Variants in MMP16 observed in about 807,000 individuals in gnomAD.
The protein encoded by MMP16 is matrix metallopeptidase 16.
In MMP16, 12 loss-of-function variants were observed where a neutral mutation model predicts 67.8. That is an observed-to-expected ratio of 0.18 (90% CI 0.11 to 0.29). The LOEUF (loss-of-function observed/expected upper bound fraction) is 0.29. MMP16 is among the 10% of genes least tolerant of loss of function. MMP16 has a pLI of 1.00. For synonymous variants in MMP16, 249 were observed against 255.9 expected (o/e 0.97, Z 0.26); for missense variants, 475 against 765.7 (o/e 0.62, Z 4.48).
In MMP16 at chr8:88,058,745, A is replaced by G. The variant is rs1452481700; in HGVS notation, c.1223-2467T>C. 6.6e-6 allele frequency among the ~76,000 whole-genome samples: 1 copy of G among 152,124 alleles called. No homozygotes were observed. The highest frequency in any genetic ancestry group is 2.4e-5 in the African/African-American group (1 of 41,466). ...TTGTGCAGCTAGAATAGAGTGTGAT[A>G]GGAGTGTATAATGATAGAGGTGAGG... is the stretch of plus-strand genomic sequence containing the variant. On this transcript the variant is annotated intron_variant, in intron 7 of 9. Coordinates refer to ENST00000286614, the MANE Select transcript of MMP16 (RefSeq NM_005941.5). The surrounding 1 kb of genome is among the most constrained non-coding windows in gnomAD (Gnocchi z 4.2).
chr8:88,326,833 T>C, intron 1 of MMP16: 1 of 441,508 alleles, frequency 2.3e-6, no homozygotes, highest in South Asian at 2.6e-5. Context: ...ATGGACCGGC[T>C]ACAATTGTGT....
At chr8:88,282,081 T>TGGGGGGGGG in intron 1 of MMP16, among the ~76,000 whole-genome samples, 1 of 33,676 alleles carries the variant, frequency 3.0e-5, no homozygotes, top group African/African-American at 1.1e-4. Context: ...TTTTTCTTTT[T>TGGGGGGGGG]TGGGGGGGGG....
chr8:88,086,933 C>T (rs1381504661), intron 6 of MMP16, among the ~76,000 whole-genome samples: 1 of 151,790 alleles, frequency 6.6e-6, no homozygotes, highest in African/African-American at 2.4e-5. Flanking sequence ...GTTCCCAGCA[C>T]AATTTGTTGA....
At chr8:88,316,707 G>C (rs1811380198) in intron 1 of MMP16, among the ~76,000 whole-genome samples, 1 of 152,114 alleles carries the variant, frequency 6.6e-6, no homozygotes, top group African/African-American at 2.4e-5. Context: ...GCAGCCCATG[G>C]ATCAAAGAGT....
At chr8:88,063,306 C>G (rs74518724) in intron 7 of MMP16, among the ~76,000 whole-genome samples, 26 of 151,820 alleles carry the variant, frequency 1.7e-4, no homozygotes, top group Admixed American at 1.2e-3. Flanking sequence ...TTATTATGAG[C>G]CTATTATAGT....
Position 88,156,450 on chromosome 8 carries a change from T to A in MMP16, c.709+11219A>T, listed in dbSNP as rs561633698. ...CTTCCATGATATGCAGTCAACAGAC[T>A]TAGGGAGGAGGGCGGGGGTTCTGGC... On this transcript the variant is annotated intron_variant, in intron 4 of 9. Coordinates refer to ENST00000286614, the MANE Select transcript of MMP16 (RefSeq NM_005941.5). Among the ~76,000 whole-genome samples, 9 of 152,202 alleles carry A rather than the reference T, an allele frequency of 5.9e-5. No individual in the cohort carries two copies. In the East Asian group the frequency reaches 1.7e-3, roughly 29 times the overall value.
chr8:88,135,928 T>TA (rs1169253445), intron 4 of MMP16, among the ~76,000 whole-genome samples: 1 of 151,896 alleles, frequency 6.6e-6, no homozygotes, highest in African/African-American at 2.4e-5. Flanking sequence ...TACAGGTTTT[T>TA]ATTATATAAG....
chr8:88,080,769 G>A (rs1036030859), intron 6 of MMP16, among the ~76,000 whole-genome samples: 1 of 152,128 alleles, frequency 6.6e-6, no homozygotes, highest in African/African-American at 2.4e-5. Flanking sequence ...TGATGTGGGC[G>A]TGGAGAGTGT....
intron 4 of MMP16, among the ~76,000 whole-genome samples, chr8:88,148,668 C>G (rs1293404435): frequency 1.3e-5 from 2 of 152,120 alleles, no homozygotes; most frequent in Non-Finnish European, 2.9e-5. Context: ...TTGGAGATAT[C>G]CTTACTGAAT....
intron 3 of MMP16, among the ~76,000 whole-genome samples, chr8:88,176,578 T>C (rs1808894230): frequency 6.6e-6 from 1 of 152,222 alleles, no homozygotes; most frequent in Non-Finnish European, 1.5e-5. Flanking sequence ...TACTTATTGA[T>C]TGTTTTTGTA....
intron 1 of MMP16, among the ~76,000 whole-genome samples, chr8:88,265,191 G>C (rs1026503085): frequency 7.1e-6 from 1 of 141,392 alleles, no homozygotes; most frequent in Non-Finnish European, 1.5e-5. Flanking sequence ...CAGCCCTCAA[G>C]TAGACAAACT....
At chr8:88,231,134 C>T (rs1378733718) in intron 1 of MMP16, among the ~76,000 whole-genome samples, 1 of 152,010 alleles carries the variant, frequency 6.6e-6, no homozygotes, top group Non-Finnish European at 1.5e-5. Flanking sequence ...AGCTGTAATA[C>T]CAACTTGAAA....
intron 1 of MMP16, among the ~76,000 whole-genome samples, chr8:88,229,973 T>C (rs973568794): frequency 2.0e-5 from 3 of 152,140 alleles, no homozygotes; most frequent in Non-Finnish European, 4.4e-5. Flanking sequence ...TGTATAATAG[T>C]ACCCTAGCAA....
intron 1 of MMP16, among the ~76,000 whole-genome samples, chr8:88,241,134 G>T (rs1810027292): frequency 6.7e-6 from 1 of 149,804 alleles, no homozygotes; most frequent in Non-Finnish European, 1.5e-5. Flanking sequence ...AACTGGGATA[G>T]TTCTTAAAAA....
chr8:88,249,652 T>C (rs2129920450), intron 1 of MMP16, among the ~76,000 whole-genome samples: 1 of 152,196 alleles, frequency 6.6e-6, no homozygotes, highest in East Asian at 1.9e-4. Context: ...GACAAGTAGC[T>C]CTTGGGAATA....
intron 1 of MMP16, among the ~76,000 whole-genome samples, chr8:88,313,250 TG>T (rs1811324901): frequency 6.6e-6 from 1 of 152,246 alleles, no homozygotes; most frequent in African/African-American, 2.4e-5. Flanking sequence ...GCAGTGTTGC[TG>T]TGCTGGAGAT....
intron 3 of MMP16, among the ~76,000 whole-genome samples, chr8:88,182,411 A>G (rs1808995255): frequency 6.6e-6 from 1 of 152,154 alleles, no homozygotes; most frequent in Non-Finnish European, 1.5e-5. Flanking sequence ...GGGAATTGCA[A>G]ATTAAAACAA....
chr8:88,149,801 G>A (rs1345979488), intron 4 of MMP16, among the ~76,000 whole-genome samples: 2 of 151,292 alleles, frequency 1.3e-5, no homozygotes, highest in African/African-American at 2.4e-5. Flanking sequence ...AAAAAGCAGA[G>A]CGCCTCTCCT....
Position 88,038,539 on chromosome 8 carries a change from A to T in MMP16, c.*2922T>A, listed in dbSNP as rs1808086715. On this transcript the variant is annotated 3_prime_UTR_variant, in exon 10 of 10. Transcript: ENST00000286614. The surrounding 1 kb of genome is among the most constrained non-coding windows in gnomAD (Gnocchi z 4.1). ...TAGAGGAAAAAAAAATCAATTTTCA[A>T]TGCAGGGTGATGGAGTTCCTCAATG... The T allele has an allele frequency of 6.6e-6, 1 of 152,544 alleles. No individual in the cohort carries two copies. The highest frequency in any genetic ancestry group is 1.5e-5 in the Non-Finnish European group (1 of 67,982). 9.4% of individuals were successfully genotyped at this position (152,544 alleles called of 1,614,324 possible).
Sources: gnomAD v4.1 joint callset for allele counts (sites outside exome capture counted in the v4.1 genomes callset) on GRCh38, gnomAD v4.1.1 for gene constraint, Gnocchi (gnomAD v3.1) non-coding constraint, MANE v1.5 for transcripts, NCBI Gene and HGNC (gene_info 2026-07-23, HGNC 2026-07-21) for gene names.